SLC37A3: variants seen among roughly 807,000 people sequenced by gnomAD.
SLC37A3 encodes solute carrier family 37 member 3, also known as sugar phosphate exchanger 3.
In SLC37A3, 51 loss-of-function variants were observed where a neutral mutation model predicts 67.1. The observed-to-expected ratio is 0.76, with a 90% CI of 0.61 to 0.96. The LOEUF is 0.96. Ranked by LOEUF, SLC37A3 falls within the 40% of genes least tolerant of loss-of-function variation. The probability of loss-of-function intolerance (pLI) is 0.00; values close to 1 mark genes in which losing one functional copy is unlikely to be tolerated. For synonymous variants in SLC37A3, 214 were observed against 231.4 expected (o/e 0.92, Z 0.68); for missense variants, 508 against 603.0 (o/e 0.84, Z 1.65).
At chr7:140,342,753 G>A (rs1796407559) in intron 13 of SLC37A3, among the ~76,000 whole-genome samples, 1 of 151,120 alleles carries the variant, frequency 6.6e-6, no homozygotes, top group Non-Finnish European at 1.5e-5. Context: ...AAACATCTGA[G>A]TGTGGAAGAA....
At chr7:140,386,818 C>T (rs1221833118) in intron 1 of SLC37A3, 8 of 152,016 alleles carry the variant, frequency 5.3e-5, no homozygotes, top group African/African-American at 1.9e-4. Context: ...AGTGTCCCAC[C>T]CAAGCACTAA....
intron 5 of SLC37A3, among the ~76,000 whole-genome samples, chr7:140,362,901 CGG>C (rs1190488654): frequency 5.9e-5 from 1 of 16,868 alleles, no homozygotes; most frequent in Non-Finnish European, 1.2e-4. Flanking sequence ...GGGAGGGAGG[CGG>C]GGGGGGGGGT....
intron 4 of SLC37A3, among the ~76,000 whole-genome samples, chr7:140,365,443 G>A (rs963528013): frequency 4.6e-5 from 7 of 151,950 alleles, no homozygotes; most frequent in South Asian, 2.1e-4. Context: ...AAAATTGGCC[G>A]AGTGCAGTAG....
chr7:140,370,291 T>C (rs1402433101), intron 3 of SLC37A3: 1 of 152,186 alleles, frequency 6.6e-6, no homozygotes, highest in East Asian at 1.9e-4. Flanking sequence ...TGTGTATCAT[T>C]GGAATGCTCA....
chr7:140,390,472 C>T (rs1798682720), intron 1 of SLC37A3, among the ~76,000 whole-genome samples: 1 of 152,140 alleles, frequency 6.6e-6, no homozygotes, highest in African/African-American at 2.4e-5. Flanking sequence ...AGGACACAAG[C>T]GTTCCATGTT....
At chr7:140,368,587 CATA>C (rs955713901) in intron 4 of SLC37A3, among the ~76,000 whole-genome samples, 1 of 151,556 alleles carries the variant, frequency 6.6e-6, no homozygotes, top group Admixed American at 6.6e-5. Context: ...AAATTAAAAA[CATA>C]ATAATAATAA....
At chr7:140,367,174 C>T (rs1018026636) in intron 4 of SLC37A3, among the ~76,000 whole-genome samples, 1 of 150,182 alleles carries the variant, frequency 6.7e-6, no homozygotes, top group African/African-American at 2.5e-5. Context: ...TGGTAGCTAA[C>T]GCCTGTAATC....
rs139094729 is a variant in SLC37A3 at position 140,384,799 on chromosome 7, A to G, written c.-70-2203T>C. 5.9e-5 allele frequency among the ~76,000 whole-genome samples: 9 copies of G among 152,320 alleles called. No individual in the cohort carries two copies. In the East Asian group the frequency reaches 1.7e-3, roughly 29 times the overall value. On this transcript the variant is annotated intron_variant, in intron 1 of 14. Coordinates refer to ENST00000326232, the MANE Select transcript of SLC37A3 (RefSeq NM_207113.3). ...ATCCACAAAATGGCTTGTATGATAA[A>G]TCTACAACAGTAGTCAAGGTAGGGA...
chr7:140,343,620 T>A, intron 12 of SLC37A3, 57 bp from the exon 13 acceptor site: 1 of 1,548,216 alleles, frequency 6.5e-7, no homozygotes, highest in Non-Finnish European at 8.8e-7. Flanking sequence ...AGCAATCTAC[T>A]GCATAAGGCA....
At chr7:140,381,907 G>A (rs1408068226) in intron 2 of SLC37A3, among the ~76,000 whole-genome samples, 3 of 151,380 alleles carry the variant, frequency 2.0e-5, no homozygotes, top group East Asian at 1.9e-4. Flanking sequence ...CCAGCTACTC[G>A]GGAGGCTGAG....
At chr7:140,351,215 G>A in intron 9 of SLC37A3, 58 bp downstream of exon 9, 1 of 1,518,220 alleles carries the variant, frequency 6.6e-7, no homozygotes, top group Non-Finnish European at 9.0e-7. Context: ...CTCAGGCAGA[G>A]GAGATGTCAC....
At position 140,350,769 on chromosome 7, in the gene SLC37A3, C is replaced by CATAA. The variant is rs1453656774; in HGVS notation, c.882+500_882+503dup. On this transcript the variant is annotated intron_variant, in intron 9 of 14. Coordinates refer to ENST00000326232, the MANE Select transcript of SLC37A3 (RefSeq NM_207113.3). The stretch of plus-strand genomic sequence containing the variant: ...ACAGAGCGACACTCCGTCCCAAAAT[C>CATAA]ATAAATAAATAAATAAAAAATAAAA... 1.1e-4 allele frequency among the ~76,000 whole-genome samples: 17 copies of CATAA among 151,730 alleles called. No homozygotes were observed. The East Asian group carries it at 1.8e-3, about 16-fold the overall frequency.
Position 140,335,755 on chromosome 7 carries a change from A to G in SLC37A3, c.1393-251T>C, listed in dbSNP as rs557683943. On this transcript the variant is annotated intron_variant, in intron 14 of 14. Transcript: ENST00000326232. ...TAATTTGCCATAGGCGGAGCAGAGA[A>G]CTGAGACCAGAGGCTCAGATGAACA... Among the ~76,000 whole-genome samples, 4 of 152,352 alleles carry G rather than the reference A, an allele frequency of 2.6e-5. No homozygotes were observed. The South Asian group carries it at 6.2e-4, about 24-fold the overall frequency.
At chr7:140,364,619 C>A (rs1797527251) in intron 4 of SLC37A3, 128 bp from the exon 5 acceptor site, 2 of 809,612 alleles carry the variant, frequency 2.5e-6, no homozygotes, top group Non-Finnish European at 1.9e-6. Flanking sequence ...CATGCCGAGG[C>A]TACCTGTCTA....
At chr7:140,396,708 A>G (rs1020039388) in intron 1 of SLC37A3, among the ~76,000 whole-genome samples, 3 of 152,148 alleles carry the variant, frequency 2.0e-5, no homozygotes, top group Non-Finnish European at 4.4e-5. Context: ...GACAGCTAGA[A>G]AGCAGCAAGA....
intron 13 of SLC37A3, among the ~76,000 whole-genome samples, chr7:140,338,856 C>A (rs1796245466): frequency 6.6e-6 from 1 of 152,028 alleles, no homozygotes; most frequent in Non-Finnish European, 1.5e-5. Flanking sequence ...ACCTCCTCCT[C>A]CCAGGTTCAA....
At chr7:140,395,379 TAAAAAAAA>T (rs35674101) in intron 1 of SLC37A3, among the ~76,000 whole-genome samples, 12,798 of 78,094 alleles carry the variant, frequency 0.16, 738 homozygotes, top group South Asian at 0.3. Context: ...CATCTCAAAT[TAAAAAAAA>T]AAAAAAAAAA....
intron 13 of SLC37A3, among the ~76,000 whole-genome samples, chr7:140,341,423 C>T (rs1169147804): frequency 6.6e-6 from 1 of 152,052 alleles, no homozygotes; most frequent in Non-Finnish European, 1.5e-5. Flanking sequence ...ACTACAGAAC[C>T]GCATCAACTG....
chr7:140,394,850 G>A (rs961491143), intron 1 of SLC37A3, among the ~76,000 whole-genome samples: 5 of 150,492 alleles, frequency 3.3e-5, no homozygotes, highest in Admixed American at 2.0e-4. Flanking sequence ...CTCGTGATCC[G>A]CCTGCCTCAG....
Sources: allele counts gnomAD v4.1 joint callset (sites outside exome capture counted in the v4.1 genomes callset), GRCh38; gene constraint gnomAD v4.1.1; transcripts MANE v1.5; gene names NCBI Gene and HGNC (gene_info 2026-07-23, HGNC 2026-07-21).